The following SWT1 variants were observed in gnomAD, a reference collection of about 807,000 sequenced individuals.
SWT1 encodes the protein transcriptional protein SWT1.
A neutral mutation model predicts 107.3 loss-of-function variants in SWT1; 33 were observed. The ratio of observed to expected loss-of-function variants is 0.31; its 90% confidence interval spans 0.23 to 0.41. SWT1 has a LOEUF of 0.41. Ranked by LOEUF, SWT1 falls within the 10% of genes least tolerant of loss-of-function variation. The pLI, the probability that SWT1 is intolerant of heterozygous loss-of-function variation, is 1.00. For missense variants in SWT1, 898 were observed against 1,028.9 expected, an observed-to-expected ratio of 0.87 and a Z score of 1.74; for synonymous variants, 345 against 348.3, an observed-to-expected ratio of 0.99 and a Z score of 0.11.
chr1:185,258,674 C>T (rs990192244), intron 16 of SWT1, among the ~76,000 whole-genome samples: 1 of 152,134 alleles, frequency 6.6e-6, no homozygotes, highest in African/African-American at 2.4e-5. Context: ...GGGAAGTCTG[C>T]TGTCAACATG....
chr1:185,210,091 A>G (rs1293960585), intron 13 of SWT1, among the ~76,000 whole-genome samples: 3 of 151,878 alleles, frequency 2.0e-5, no homozygotes, highest in East Asian at 3.9e-4. Flanking sequence ...TTGTAAATCT[A>G]TTTAAGTTCT....
At chr1:185,237,183 C>T (rs991461054) in intron 16 of SWT1, among the ~76,000 whole-genome samples, 5 of 152,126 alleles carry the variant, frequency 3.3e-5, no homozygotes, top group African/African-American at 1.2e-4. Context: ...CCATTTGACC[C>T]AGCAATCCCG....
chr1:185,273,779 C>T (rs1664054536), intron 17 of SWT1, among the ~76,000 whole-genome samples: 1 of 152,168 alleles, frequency 6.6e-6, no homozygotes, highest in Admixed American at 6.5e-5. Context: ...AGAACTTCCT[C>T]TTTTGAAATG....
chr1:185,215,777 C>A (rs1308083181), intron 14 of SWT1, among the ~76,000 whole-genome samples: 2 of 152,046 alleles, frequency 1.3e-5, no homozygotes, highest in Admixed American at 1.3e-4. Context: ...TGGACTCAAG[C>A]AATCCTCCTG....
intron 15 of SWT1, among the ~76,000 whole-genome samples, chr1:185,230,018 A>G (rs77146643): frequency 6.6e-6 from 1 of 152,152 alleles, no homozygotes; most frequent in Non-Finnish European, 1.5e-5. Flanking sequence ...GGTGATGGTT[A>G]CACAGCATTG....
At chr1:185,271,613 A>G (rs925384975) in intron 17 of SWT1, among the ~76,000 whole-genome samples, 40 of 152,202 alleles carry the variant, frequency 2.6e-4, no homozygotes, top group African/African-American at 9.4e-4. Flanking sequence ...TATGTTATAC[A>G]TAGTGAAATG....
At chr1:185,173,317 A>G (rs898292683) in intron 4 of SWT1, among the ~76,000 whole-genome samples, 5 of 152,040 alleles carry the variant, frequency 3.3e-5, no homozygotes, top group African/African-American at 7.2e-5. Flanking sequence ...TTAATACGCT[A>G]AAGTTTTAAA....
intron 7 of SWT1, among the ~76,000 whole-genome samples, chr1:185,183,698 A>G (rs919062779): frequency 4.1e-4 from 63 of 152,246 alleles, no homozygotes; most frequent in African/African-American, 1.3e-3. Context: ...AGTTAGAAAC[A>G]TAATTACTCC....
intron 16 of SWT1, among the ~76,000 whole-genome samples, chr1:185,270,076 T>G (rs550821823): frequency 6.6e-6 from 1 of 152,326 alleles, no homozygotes; most frequent in Non-Finnish European, 1.5e-5. Flanking sequence ...CATATGCTGT[T>G]GTAATGACTT....
chr1:185,269,008 A>G (rs1216551121), intron 16 of SWT1, among the ~76,000 whole-genome samples: 1 of 151,466 alleles, frequency 6.6e-6, no homozygotes, highest in Non-Finnish European at 1.5e-5. Context: ...GCCCGCCACT[A>G]CGCCCGGCTA....
intron 16 of SWT1, among the ~76,000 whole-genome samples, chr1:185,247,733 CT>C (rs1483527476): frequency 1.3e-5 from 2 of 152,110 alleles, no homozygotes; most frequent in African/African-American, 2.4e-5. Flanking sequence ...TATGGCTCTC[CT>C]TTGTCTGTTT....
chr1:185,161,540 C>CA (rs748552231), intron 2 of SWT1, among the ~76,000 whole-genome samples: 141 of 134,746 alleles, frequency 1.0e-3, no homozygotes, highest in South Asian at 5.9e-3. Flanking sequence ...CCTGTCTCTA[C>CA]AAAAAAAAAA....
intron 9 of SWT1, among the ~76,000 whole-genome samples, chr1:185,187,321 C>T (rs533835936): frequency 3.3e-5 from 5 of 151,876 alleles, no homozygotes; most frequent in East Asian, 1.9e-4. Context: ...CAGCCTCCCT[C>T]GGCTTACAGG....
intron 4 of SWT1, among the ~76,000 whole-genome samples, chr1:185,171,126 T>C (rs576593804): frequency 1.3e-5 from 2 of 151,786 alleles, no homozygotes; most frequent in South Asian, 4.2e-4. Flanking sequence ...CCTTCTATTC[T>C]GGTATTACCA....
At chr1:185,282,150 A>G (rs1664666253) in intron 18 of SWT1, among the ~76,000 whole-genome samples, 1 of 152,222 alleles carries the variant, frequency 6.6e-6, no homozygotes, top group Non-Finnish European at 1.5e-5. Context: ...TCCCCACCGT[A>G]AAAGACTCTT....
chr1:185,242,531 C>T (rs1661322634), intron 16 of SWT1, among the ~76,000 whole-genome samples: 1 of 152,084 alleles, frequency 6.6e-6, no homozygotes, highest in Admixed American at 6.5e-5. Flanking sequence ...CGGAGAAATG[C>T]CGCAGTTATT....
At chr1:185,283,387 G>T (rs758750718) in intron 18 of SWT1, among the ~76,000 whole-genome samples, 2 of 152,186 alleles carry the variant, frequency 1.3e-5, no homozygotes, top group Non-Finnish European at 2.9e-5. Flanking sequence ...CCAAATCCAG[G>T]ATGGTAAATT....
intron 16 of SWT1, among the ~76,000 whole-genome samples, chr1:185,238,045 G>A (rs936770354): frequency 2.0e-5 from 3 of 151,454 alleles, no homozygotes; most frequent in African/African-American, 4.9e-5. Context: ...GGAGTACAGT[G>A]GAGCAATCAC....
chr1:185,197,227 G>C (rs565389067), intron 10 of SWT1, among the ~76,000 whole-genome samples: 2 of 152,132 alleles, frequency 1.3e-5, no homozygotes, highest in East Asian at 3.9e-4. Flanking sequence ...TAATCATGTG[G>C]TTTTTGTCAT....
Sources: gnomAD v4.1 joint callset for allele counts (sites outside exome capture counted in the v4.1 genomes callset) on GRCh38, gnomAD v4.1.1 for gene constraint, MANE v1.5 for transcripts, NCBI Gene and HGNC (gene_info 2026-07-23, HGNC 2026-07-21) for gene names.